The following PPFIBP2 variants were observed in gnomAD, a reference collection of about 807,000 sequenced individuals.
PPFIBP2 encodes the protein PPFIB scaffold protein 2.
PPFIBP2 carries 118 observed loss-of-function variants against 118.3 expected under a neutral mutation model. The observed-to-expected ratio is 1.00, with a 90% confidence interval of 0.86 to 1.16. PPFIBP2 has a LOEUF of 1.16. Among genes scored for constraint, PPFIBP2 ranks in the 50% most tolerant of loss-of-function variants. PPFIBP2 has a pLI of 0.00. For synonymous variants in PPFIBP2, 414 were observed against 397.4 expected, an observed-to-expected ratio of 1.04 and a Z score of -0.50; for missense variants, 1,195 against 1,073.1, an observed-to-expected ratio of 1.11 and a Z score of -1.59.
At chr11:7,593,110 C>CT (rs371754257) in intron 3 of PPFIBP2, 22 bp from the exon 4 acceptor site, 12 of 1,605,166 alleles carry the variant, frequency 7.5e-6, no homozygotes, top group African/African-American at 4.0e-5. Context: ...TAAGTGTATT[C>CT]TTTTTTTTCT....
At position 7,616,466 on chromosome 11, in the gene PPFIBP2, C is replaced by T. The variant is rs1370076073; in HGVS notation, c.619-4469C>T. Among the ~76,000 whole-genome samples, 5 of 152,158 alleles carry T rather than the reference C, an allele frequency of 3.3e-5. No homozygotes were observed. The highest frequency in any genetic ancestry group is 5.9e-5 in the Non-Finnish European group (4 of 68,020). On this transcript the variant is annotated intron_variant, in intron 6 of 23. Transcript: ENST00000299492. The surrounding 1 kb of genome is among the most constrained non-coding windows in gnomAD (Gnocchi z 5.2). ...ATCCGTGTCCTCAAGGAGTGAGTCT[C>T]GTCAGATTGGCCTTATCGGTTTGGC...
chr11:7,597,302 T>C, intron 4 of PPFIBP2: 2 of 1,535,664 alleles, frequency 1.3e-6, no homozygotes, highest in Non-Finnish European at 1.7e-6. Flanking sequence ...TTGGGTGTTT[T>C]ACTCTTGAGT....
chr11:7,542,247 A>G (rs1280055902), intron 1 of PPFIBP2, among the ~76,000 whole-genome samples: 1 of 152,190 alleles, frequency 6.6e-6, no homozygotes. Context: ...TGGTATGGGG[A>G]TTAAGTGAGA....
intron 3 of PPFIBP2, among the ~76,000 whole-genome samples, chr11:7,569,449 A>C (rs1855404447): frequency 6.6e-6 from 1 of 152,088 alleles, no homozygotes; most frequent in Admixed American, 6.5e-5. Flanking sequence ...TAATGAGGAG[A>C]AGTGGGCTCT....
rs529205835 is a variant in PPFIBP2, at chr11:7,638,279, T to C, written c.1237-1453T>C. ...GGCACATGAACTACCACTTGGAAAC[T>C]GTGGGTCTTGACCGTATGTCTGATC... On this transcript the variant is annotated intron_variant, in intron 14 of 23. Transcript: ENST00000299492. Among the ~76,000 whole-genome samples the C allele has an allele frequency of 3.9e-5, 6 of 152,314 alleles. No individual in the cohort carries two copies. The South Asian group carries it at 1.2e-3, about 32-fold the overall frequency.
intron 3 of PPFIBP2, among the ~76,000 whole-genome samples, chr11:7,566,039 TCACA>T (rs10617506): frequency 2.7e-5 from 4 of 146,498 alleles, no homozygotes; most frequent in South Asian, 2.1e-4. Flanking sequence ...ATTTAAGATT[TCACA>T]CACACACACA....
rs1851331183 is a variant in PPFIBP2 at position 7,635,479 on chromosome 11, G to A, written c.1195-73G>A. The A allele has an allele frequency of 4.2e-6, 6 of 1,422,632 alleles. No homozygotes were observed. The South Asian group carries it at 6.9e-5, about 16-fold the overall frequency. The allele number at this position is 1,422,632 out of a possible 1,614,324, so 88.1% of individuals were successfully genotyped here. On this transcript the variant is annotated intron_variant, in intron 13 of 23. Transcript: ENST00000299492. The stretch of plus-strand genomic sequence containing the variant: ...CAGATTTAAGCAAACAGGTAGTCCT[G>A]AGTTGTTGCTGTTTGTGAATAACAC...
intron 1 of PPFIBP2, among the ~76,000 whole-genome samples, chr11:7,544,385 C>T (rs546238502): frequency 1.9e-4 from 29 of 152,210 alleles, no homozygotes; most frequent in African/African-American, 7.0e-4. Flanking sequence ...GTTGGGTGCC[C>T]CTCGTACAGT....
chr11:7,597,357 C>G (rs765818082), intron 4 of PPFIBP2: 2 of 1,535,596 alleles, frequency 1.3e-6, no homozygotes, highest in African/African-American at 1.4e-5. Flanking sequence ...GAGCAGTGGC[C>G]GAGACTCCCT....
At chr11:7,607,315 C>G (rs944385937) in intron 5 of PPFIBP2, among the ~76,000 whole-genome samples, 1 of 151,034 alleles carries the variant, frequency 6.6e-6, no homozygotes, top group African/African-American at 2.4e-5. Context: ...TCAATCAATC[C>G]TCCCACCTCA....
chr11:7,620,771 G>C (rs912612032), intron 6 of PPFIBP2, among the ~76,000 whole-genome samples, 164 bp from the exon 7 acceptor site: 1 of 152,070 alleles, frequency 6.6e-6, no homozygotes, highest in Admixed American at 6.5e-5. Context: ...GTTTTTTAAC[G>C]GCCATACAGC....
chr11:7,621,665 C>T (rs1181989288), intron 7 of PPFIBP2, among the ~76,000 whole-genome samples: 1 of 152,062 alleles, frequency 6.6e-6, no homozygotes, highest in Non-Finnish European at 1.5e-5. Context: ...TTTTTTTGGC[C>T]TGCACATTGG....
downstream of PPFIBP2, chr11:7,656,828 C>A (rs774744605): frequency 4.7e-5 from 61 of 1,288,328 alleles, no homozygotes; most frequent in Middle Eastern, 4.3e-4. Context: ...CGTAGGGAGG[C>A]ATGTGTGGGG....
At chr11:7,604,703 T>G (rs1847130114) in intron 5 of PPFIBP2, among the ~76,000 whole-genome samples, 1 of 152,194 alleles carries the variant, frequency 6.6e-6, no homozygotes, top group South Asian at 2.1e-4. Flanking sequence ...GTCAGAAATT[T>G]GATCATGTTT....
Position 7,565,633 on chromosome 11 carries a change from C to G in PPFIBP2, c.145C>G (p.Pro49Ala). Residue 49 changes from proline (P) to alanine (A), a missense_variant, in exon 3 of 24, where the codon CCG becomes GCG. By Grantham distance (27) the Pro-to-Ala change is conservative (BLOSUM62 -1). Coordinates refer to ENST00000299492, the MANE Select transcript of PPFIBP2 (RefSeq NM_003621.5). The part of the protein sequence containing the change: ...ASPASYMNPF[P>A]VLHLIEDLRL... ...CCCGGCCTCCTACATGAACCCCTTC[C>G]CGGTGCTCCATCTCATCGAGGACTT... 6.2e-7 allele frequency: 1 copy of G among 1,614,216 alleles called. No individual in the cohort carries two copies. Among genetic ancestry groups the G allele is most frequent in the African/African-American group, 1.3e-5 (1 of 75,060 alleles).
chr11:7,573,124 A>G (rs868258458), intron 3 of PPFIBP2, among the ~76,000 whole-genome samples: 3 of 152,138 alleles, frequency 2.0e-5, no homozygotes, highest in Non-Finnish European at 4.4e-5. Context: ...TACTCCTCCA[A>G]GTGTTGTCCT....
chr11:7,642,689 T>C (rs1273397696), intron 17 of PPFIBP2, among the ~76,000 whole-genome samples: 2 of 152,202 alleles, frequency 1.3e-5, no homozygotes, highest in African/African-American at 4.8e-5. Flanking sequence ...AGGCAAAAAG[T>C]AAGCTGTAAC....
the PPFIBP2 span, chr11:7,666,683 G>A: frequency 1.7e-5 from 10 of 584,156 alleles, no homozygotes; most frequent in African/African-American, 9.4e-5. Flanking sequence ...CAACTCCCAC[G>A]GCAAACAAGA....
At chr11:7,572,943 C>A (rs1480673931) in intron 3 of PPFIBP2, among the ~76,000 whole-genome samples, 6 of 152,162 alleles carry the variant, frequency 3.9e-5, no homozygotes, top group African/African-American at 1.4e-4. Flanking sequence ...CCACACCCGG[C>A]TAATTTTTGT....
Sources: allele counts gnomAD v4.1 joint callset (sites outside exome capture counted in the v4.1 genomes callset), GRCh38; gene constraint gnomAD v4.1.1; non-coding constraint Gnocchi (gnomAD v3.1); transcripts MANE v1.5; gene names NCBI Gene and HGNC (gene_info 2026-07-23, HGNC 2026-07-21).